TMTC2: variants seen among roughly 807,000 people sequenced by gnomAD.
TMTC2 encodes transmembrane O-mannosyltransferase targeting cadherins 2.
A neutral mutation model predicts 82.4 loss-of-function variants in TMTC2; 43 were observed. The observed-to-expected ratio is 0.52, with a 90% CI of 0.41 to 0.67. TMTC2 has a LOEUF of 0.67. Among genes scored for constraint, TMTC2 ranks in the 30% least tolerant of loss-of-function variants. TMTC2 has a pLI of 0.00. For synonymous variants in TMTC2, 408 were observed against 381.9 expected (o/e 1.07, Z -0.80); for missense variants, 919 against 1,012.4 (o/e 0.91, Z 1.25).
chr12:82,690,930 T>C (rs1872546099), intron 1 of TMTC2, among the ~76,000 whole-genome samples: 1 of 152,192 alleles, frequency 6.6e-6, no homozygotes, highest in African/African-American at 2.4e-5. Flanking sequence ...ATGGCATCAC[T>C]TTTTTCTTAT....
intron 1 of TMTC2, among the ~76,000 whole-genome samples, chr12:82,840,472 C>T (rs991508199): frequency 9.2e-5 from 14 of 152,174 alleles, no homozygotes; most frequent in Admixed American, 7.9e-4. Flanking sequence ...TTTACTTGTT[C>T]ATTTTATGCC....
At chr12:82,741,185 T>C (rs1875388091) in intron 1 of TMTC2, among the ~76,000 whole-genome samples, 1 of 152,252 alleles carries the variant, frequency 6.6e-6, no homozygotes, top group Non-Finnish European at 1.5e-5. Flanking sequence ...TACTTTTCAA[T>C]ATAAAAGTTG....
intron 2 of TMTC2, among the ~76,000 whole-genome samples, chr12:82,890,782 T>A (rs1465295386): frequency 6.6e-5 from 10 of 151,886 alleles, no homozygotes; most frequent in Non-Finnish European, 1.5e-4. Context: ...ACACACAGAG[T>A]CTCTCTTTTT....
At chr12:82,837,380 G>A (rs747641859) in intron 1 of TMTC2, among the ~76,000 whole-genome samples, 2 of 152,096 alleles carry the variant, frequency 1.3e-5, no homozygotes, top group Non-Finnish European at 2.9e-5. Context: ...GGCTGAGGCT[G>A]GATGATCCCT....
intron 1 of TMTC2, among the ~76,000 whole-genome samples, chr12:82,838,127 C>T (rs1164944739): frequency 6.6e-6 from 1 of 152,146 alleles, no homozygotes; most frequent in Non-Finnish European, 1.5e-5. Flanking sequence ...CTTCTTCTCC[C>T]CTCCCTTAGC....
intron 1 of TMTC2, among the ~76,000 whole-genome samples, chr12:82,810,355 C>T (rs1041021209): frequency 6.6e-6 from 1 of 151,086 alleles, no homozygotes; most frequent in Non-Finnish European, 1.5e-5. Context: ...TTGAATTCCA[C>T]ATTACAAACT....
intron 1 of TMTC2, among the ~76,000 whole-genome samples, chr12:82,747,965 G>A (rs1875775769): frequency 6.6e-6 from 1 of 152,186 alleles, no homozygotes. Flanking sequence ...TAAGTATTAA[G>A]TTGGACTTTC....
rs1252111047 is a variant in TMTC2, at chr12:82,901,540, G to C, written c.1483+4894G>C. Among the ~76,000 whole-genome samples the C allele has an allele frequency of 4.0e-5, 6 of 151,672 alleles. No homozygotes were observed. The South Asian group carries it at 6.3e-4, about 16-fold the overall frequency. ...GTTGGTCTCAAACTCCTGACCTCGT[G>C]ATCCACCCGCCTCGGCCTCCCAAAG... On this transcript the variant is annotated intron_variant, in intron 3 of 11. Transcript: ENST00000321196.
At chr12:82,908,091 T>C (rs1874423499) in intron 3 of TMTC2, among the ~76,000 whole-genome samples, 1 of 152,084 alleles carries the variant, frequency 6.6e-6, no homozygotes, top group African/African-American at 2.4e-5. Flanking sequence ...AGAGCGAGAT[T>C]CCCTCTCAAA....
intron 1 of TMTC2, among the ~76,000 whole-genome samples, chr12:82,816,739 C>T (rs1368706098): frequency 4.6e-5 from 7 of 151,870 alleles, no homozygotes; most frequent in East Asian, 1.9e-4. Flanking sequence ...GGCAGGCTTA[C>T]AAGATAATAA....
chr12:82,966,493 G>A lies in TMTC2; in HGVS notation c.1870-426G>A, dbSNP rs186726802. Among the ~76,000 whole-genome samples the A allele has an allele frequency of 2.7e-3, 414 of 152,232 alleles. 1 individual carries two copies. The highest frequency in any genetic ancestry group is 9.7e-3 in the African/African-American group (404 of 41,550). ...AAAATAATTGCATTTAGTAATTTCT[G>A]TGGGTTTCAAGAGCTGGAAGATTTG... On this transcript the variant is annotated intron_variant, in intron 6 of 11. Transcript: ENST00000321196.
chr12:82,813,621 T>G (rs1040258792), intron 1 of TMTC2, among the ~76,000 whole-genome samples: 3 of 152,034 alleles, frequency 2.0e-5, no homozygotes, highest in African/African-American at 7.2e-5. Flanking sequence ...ATTTTTACAG[T>G]TTTATAAGAT....
intron 1 of TMTC2, among the ~76,000 whole-genome samples, chr12:82,847,486 A>G (rs1205685330): frequency 6.6e-6 from 1 of 152,164 alleles, no homozygotes; most frequent in Non-Finnish European, 1.5e-5. Context: ...CTATAAAGAC[A>G]CATGCACACG....
intron 8 of TMTC2, among the ~76,000 whole-genome samples, chr12:83,015,996 C>G (rs1880660938): frequency 6.6e-6 from 1 of 152,188 alleles, no homozygotes; most frequent in Non-Finnish European, 1.5e-5. Flanking sequence ...ATGAGTATTG[C>G]TTACTAAACA....
At chr12:82,747,641 A>G (rs1246504902) in intron 1 of TMTC2, among the ~76,000 whole-genome samples, 1 of 152,232 alleles carries the variant, frequency 6.6e-6, no homozygotes, top group Non-Finnish European at 1.5e-5. Context: ...GTTAGGCAAT[A>G]TAGAAGCATT....
intron 4 of TMTC2, among the ~76,000 whole-genome samples, chr12:82,958,366 A>C (rs796153524): frequency 7.5e-4 from 13 of 17,446 alleles, no homozygotes; most frequent in African/African-American, 1.8e-3. Context: ...AAAAAAAAAA[A>C]AAAACAAAAA....
intron 3 of TMTC2, among the ~76,000 whole-genome samples, chr12:82,909,191 A>G (rs753440120): frequency 6.6e-6 from 1 of 152,170 alleles, no homozygotes; most frequent in Non-Finnish European, 1.5e-5. Flanking sequence ...GGCAGATCAC[A>G]GTTTATGTGG....
At chr12:83,121,213 G>T (rs1884936765) in intron 11 of TMTC2, among the ~76,000 whole-genome samples, 1 of 152,090 alleles carries the variant, frequency 6.6e-6, no homozygotes, top group Admixed American at 6.5e-5. Context: ...ATTTTTTGGG[G>T]TGTGTTAAAG....
intron 7 of TMTC2, among the ~76,000 whole-genome samples, chr12:82,982,563 A>G (rs1878971004): frequency 6.6e-6 from 1 of 151,850 alleles, no homozygotes; most frequent in South Asian, 2.1e-4. Flanking sequence ...AAAGTGTTAC[A>G]TATTTCCCTC....
Sources: gnomAD v4.1 joint callset for allele counts (sites outside exome capture counted in the v4.1 genomes callset) on GRCh38, gnomAD v4.1.1 for gene constraint, MANE v1.5 for transcripts, NCBI Gene and HGNC (gene_info 2026-07-23, HGNC 2026-07-21) for gene names.